The following AUTS2 variants were observed in gnomAD, a reference collection of about 807,000 sequenced individuals.
AUTS2 encodes autism susceptibility gene 2 protein.
In AUTS2, 17 loss-of-function variants were observed where a neutral mutation model predicts 112.4. The ratio of observed to expected loss-of-function variants is 0.15; its 90% CI spans 0.10 to 0.23. AUTS2 has a LOEUF of 0.23. Ranked by LOEUF, AUTS2 falls within the 10% of genes least tolerant of loss-of-function variation. The pLI, the probability that AUTS2 is intolerant of heterozygous loss-of-function variation, is 1.00. For missense variants in AUTS2, 1,510 were observed against 1,701.6 expected, an observed-to-expected ratio of 0.89 and a Z score of 1.98; for synonymous variants, 751 against 702.7, an observed-to-expected ratio of 1.07 and a Z score of -1.09.
rs1793879907 is a variant in AUTS2 at position 69,878,008 on chromosome 7, C to T, written c.310-21278C>T. ...AGGAGGAGCCACAAGGTAGAAGTGG[C>T]CATGCCATAGATGCCTGCATAGCAT... On this transcript the variant is annotated intron_variant, in intron 1 of 18. Coordinates refer to ENST00000342771, the MANE Select transcript of AUTS2 (RefSeq NM_015570.4). Among the ~76,000 whole-genome samples the T allele has an allele frequency of 2.0e-5, 3 of 152,100 alleles. No individual in the cohort carries two copies. The South Asian group carries it at 6.2e-4, about 32-fold the overall frequency.
rs1792086246 is a variant in AUTS2 at position 70,793,458 on chromosome 7, A to G, written c.*2462A>G. The G allele has an allele frequency of 6.6e-6, 1 of 151,644 alleles. No homozygotes were observed. Among genetic ancestry groups the G allele is most frequent in the Non-Finnish European group, 1.5e-5 (1 of 67,946 alleles). The allele number at this position is 151,644 out of a possible 1,614,324, so 9.4% of individuals were successfully genotyped here. The stretch of plus-strand genomic sequence containing the variant: ...TCTAAAATCTGTTTTGTTTTTTTCC[A>G]TGATGTTAAAAAAACAAAAAAATGT... On this transcript the variant is annotated 3_prime_UTR_variant, in exon 19 of 19. Coordinates refer to ENST00000342771, the MANE Select transcript of AUTS2 (RefSeq NM_015570.4).
intron 4 of AUTS2, among the ~76,000 whole-genome samples, chr7:70,270,309 G>A (rs182443422): frequency 1.2e-4 from 18 of 152,236 alleles, no homozygotes; most frequent in African/African-American, 3.6e-4. Flanking sequence ...TTTCACAGAG[G>A]GTGTGGAGTT....
In AUTS2 at chr7:70,272,917, A is replaced by C. The variant is rs577556509; in HGVS notation, c.660+138346A>C. 5.3e-5 allele frequency among the ~76,000 whole-genome samples: 8 copies of C among 152,294 alleles called. 1 individual carries two copies. The South Asian group carries it at 1.5e-3, about 28-fold the overall frequency. ...TGACAGAGAATTGCTTGAGCCTAGG[A>C]GTTCAAGACCAATCTAGACAAACAT... On this transcript the variant is annotated intron_variant, in intron 4 of 18. Coordinates refer to ENST00000342771, the MANE Select transcript of AUTS2 (RefSeq NM_015570.4).
rs146128917 is a variant in AUTS2 at position 69,779,727 on chromosome 7, G to A, written c.310-119559G>A. ...GCAGTGAGCCCGAGATTGCTCCACT[G>A]CACTCCAGCCTGGGTGACAGAACGA... is the stretch of plus-strand genomic sequence containing the variant. On this transcript the variant is annotated intron_variant, in intron 1 of 18. Transcript: ENST00000342771. Among the ~76,000 whole-genome samples, 1,373 of 142,060 alleles carry A rather than the reference G, an allele frequency of 9.7e-3. 26 individuals are homozygous for A. Among genetic ancestry groups the A allele is most frequent in the African/African-American group, 0.035 (1,321 of 37,710 alleles). The allele number at this position is 142,060 out of a possible 152,430, so 93.2% of individuals were successfully genotyped here.
chr7:69,903,318 C>T (rs965853361), intron 2 of AUTS2, among the ~76,000 whole-genome samples: 8 of 152,136 alleles, frequency 5.3e-5, no homozygotes, highest in Admixed American at 5.2e-4. Flanking sequence ...TTAACCCTTC[C>T]CAGGGCATTG....
intron 2 of AUTS2, among the ~76,000 whole-genome samples, chr7:69,953,524 T>A (rs866386241): frequency 5.3e-5 from 8 of 152,186 alleles, no homozygotes; most frequent in Non-Finnish European, 4.4e-5. Flanking sequence ...GTGTTTTCAT[T>A]CTGATGGTTG....
At chr7:70,349,368 GA>G (rs1410504837) in intron 4 of AUTS2, among the ~76,000 whole-genome samples, 4 of 152,308 alleles carry the variant, frequency 2.6e-5, no homozygotes, top group African/African-American at 7.2e-5. Context: ...TAGAGATTGA[GA>G]GTTGATTGTT....
At chr7:70,731,770 G>A (rs1787415604) in intron 6 of AUTS2, among the ~76,000 whole-genome samples, 2 of 151,756 alleles carry the variant, frequency 1.3e-5, no homozygotes, top group South Asian at 4.2e-4. Context: ...GCTCCATTTG[G>A]TTTCTATTTC....
intron 1 of AUTS2, among the ~76,000 whole-genome samples, chr7:69,776,104 GTCA>G (rs1788883070): frequency 1.3e-5 from 2 of 152,148 alleles, no homozygotes; most frequent in African/African-American, 4.8e-5. Flanking sequence ...CGTGGTTATC[GTCA>G]TCATATGACT....
chr7:69,792,713 C>G (rs1299225920), intron 1 of AUTS2, among the ~76,000 whole-genome samples: 1 of 152,090 alleles, frequency 6.6e-6, no homozygotes, highest in African/African-American at 2.4e-5. Flanking sequence ...ATCTACGAGA[C>G]TGAGTATCTG....
chr7:69,822,554 A>T (rs746401883), intron 1 of AUTS2, among the ~76,000 whole-genome samples: 1 of 152,224 alleles, frequency 6.6e-6, no homozygotes, highest in Non-Finnish European at 1.5e-5. Context: ...CATTTTGTTT[A>T]TAATTGGACA....
At chr7:69,605,669 G>C (rs1016474646) in intron 1 of AUTS2, among the ~76,000 whole-genome samples, 2 of 152,180 alleles carry the variant, frequency 1.3e-5, no homozygotes, top group African/African-American at 4.8e-5. Context: ...GTTCAAAAAA[G>C]GGTCAGAACC....
chr7:69,799,988 A>G (rs910137564), intron 1 of AUTS2, among the ~76,000 whole-genome samples: 1 of 152,238 alleles, frequency 6.6e-6, no homozygotes, highest in Non-Finnish European at 1.5e-5. Context: ...GCTGATAATC[A>G]GCATTTACCA....
At chr7:70,043,821 C>T (rs995614896) in intron 2 of AUTS2, among the ~76,000 whole-genome samples, 1 of 152,024 alleles carries the variant, frequency 6.6e-6, no homozygotes, top group African/African-American at 2.4e-5. Context: ...GTTGGTCAGG[C>T]TGCTCTCGGA....
chr7:70,021,355 A>T (rs545692285), intron 2 of AUTS2, among the ~76,000 whole-genome samples: 1 of 152,324 alleles, frequency 6.6e-6, no homozygotes, highest in East Asian at 1.9e-4. Flanking sequence ...TAACTTTATC[A>T]GAATTAGTCT....
At chr7:69,702,604 G>A (rs1010264493) in intron 1 of AUTS2, among the ~76,000 whole-genome samples, 1 of 152,162 alleles carries the variant, frequency 6.6e-6, no homozygotes, top group African/African-American at 2.4e-5. Context: ...CACTTGTGGG[G>A]TGATTTCTAC....
chr7:70,785,051 G>A (rs2129560566), intron 16 of AUTS2, 32 bp downstream of exon 16: 2 of 1,607,884 alleles, frequency 1.2e-6, no homozygotes, highest in Non-Finnish European at 1.7e-6. Flanking sequence ...GAACTGAGAT[G>A]TGTGCTTCAG....
rs377315795 is a variant in AUTS2, at chr7:70,071,728, CAT to C, written c.523-46403_523-46402del. 5.3e-5 allele frequency among the ~76,000 whole-genome samples: 8 copies of C among 152,306 alleles called. No homozygotes were observed. In the East Asian group the frequency reaches 1.4e-3, roughly 26 times the overall value. ...TCACTGGCTAGCATCAATTCAGACA[CAT>C]TGCAATTCTTCAGAATCTCTATCCC... On this transcript the variant is annotated intron_variant, in intron 2 of 18. Coordinates refer to ENST00000342771, the MANE Select transcript of AUTS2 (RefSeq NM_015570.4).
In AUTS2 at chr7:69,622,893, C is replaced by T. The variant is rs190280978; in HGVS notation, c.309+22931C>T. On this transcript the variant is annotated intron_variant, in intron 1 of 18. Coordinates refer to ENST00000342771, the MANE Select transcript of AUTS2 (RefSeq NM_015570.4). ...TAAAGGAATCCTCCCACCTCAGCCTCCTAAGTAGTTGGGACCACAGGTGCT... is the reference window on the plus strand; with the variant it reads ...TAAAGGAATCCTCCCACCTCAGCCTTCTAAGTAGTTGGGACCACAGGTGCT... Among the ~76,000 whole-genome samples the T allele has an allele frequency of 2.0e-3, 301 of 152,338 alleles. 1 individual carries two copies. Among genetic ancestry groups the T allele is most frequent in the African/African-American group, 6.8e-3 (283 of 41,580 alleles).
Sources: gnomAD v4.1 joint callset for allele counts (sites outside exome capture counted in the v4.1 genomes callset) on GRCh38, gnomAD v4.1.1 for gene constraint, MANE v1.5 for transcripts, NCBI Gene and HGNC (gene_info 2026-07-23, HGNC 2026-07-21) for gene names.